DIP2C: variants seen among roughly 807,000 people sequenced by gnomAD.
The protein encoded by DIP2C is disco-interacting protein 2 homolog C.
A neutral mutation model predicts 192.4 loss-of-function variants in DIP2C; 33 were observed. That is an observed-to-expected ratio of 0.17 (90% CI 0.13 to 0.23). The LOEUF is 0.23. DIP2C is among the 10% of genes least tolerant of loss of function. DIP2C has a pLI of 1.00. For synonymous variants in DIP2C, 979 were observed against 864.1 expected (o/e 1.13, Z -2.33); for missense variants, 1,537 against 2,110.1 (o/e 0.73, Z 5.32).
intron 15 of DIP2C, 103 bp from the exon 16 acceptor site, chr10:384,249 TGG>T: frequency 1.1e-6 from 1 of 924,008 alleles, no homozygotes; most frequent in Non-Finnish European, 1.6e-6. Context: ...GAAGAATCAC[TGG>T]TCACCCAGCC....
chr10:661,296 G>A (rs956738699), intron 1 of DIP2C, among the ~76,000 whole-genome samples: 10 of 152,182 alleles, frequency 6.6e-5, no homozygotes, highest in South Asian at 2.1e-4. Flanking sequence ...CCTTTCTTCC[G>A]TGTACCTTTG....
intron 1 of DIP2C, among the ~76,000 whole-genome samples, chr10:560,662 C>T (rs759681659): frequency 7.3e-4 from 111 of 152,306 alleles, no homozygotes; most frequent in Non-Finnish European, 8.1e-4. Context: ...AATTACCACA[C>T]GGGCTATCAT....
chr10:664,320 G>A (rs1015739610), intron 1 of DIP2C: 8 of 152,346 alleles, frequency 5.3e-5, no homozygotes, highest in Middle Eastern at 3.4e-3. Context: ...CCAGGAGAGA[G>A]AAAAGAAGGA....
intron 26 of DIP2C, among the ~76,000 whole-genome samples, chr10:347,997 T>C (rs1413404308): frequency 1.6e-5 from 2 of 128,970 alleles, no homozygotes; most frequent in South Asian, 2.5e-4. Flanking sequence ...GCGTCGCGCA[T>C]AGCTCTCCCG....
intron 3 of DIP2C, among the ~76,000 whole-genome samples, chr10:444,478 C>A (rs908778296): frequency 6.6e-6 from 1 of 152,032 alleles, no homozygotes; most frequent in Non-Finnish European, 1.5e-5. Flanking sequence ...CCATGGTGTT[C>A]ACTCAAGAGA....
chr10:655,430 C>T (rs536975482), intron 1 of DIP2C, among the ~76,000 whole-genome samples: 8 of 151,644 alleles, frequency 5.3e-5, no homozygotes, highest in Middle Eastern at 6.9e-3. Flanking sequence ...TTCCACACTA[C>T]GCTATGTAAT....
chr10:595,563 T>C (rs987351564), intron 1 of DIP2C, among the ~76,000 whole-genome samples: 1 of 152,046 alleles, frequency 6.6e-6, no homozygotes, highest in African/African-American at 2.4e-5. Context: ...TGAAATGATT[T>C]TGCATCTACC....
At chr10:605,500 G>A (rs949999642) in intron 1 of DIP2C, among the ~76,000 whole-genome samples, 5 of 152,162 alleles carry the variant, frequency 3.3e-5, no homozygotes, top group African/African-American at 9.7e-5. Flanking sequence ...CACATAAACT[G>A]TTACTCACAC....
chr10:598,331 A>G (rs1463714257), intron 1 of DIP2C, among the ~76,000 whole-genome samples: 1 of 152,180 alleles, frequency 6.6e-6, no homozygotes, highest in Non-Finnish European at 1.5e-5. Context: ...CACATTTCCC[A>G]TCGCACCAAG....
At chr10:496,983 G>C (rs1053360813) in intron 1 of DIP2C, among the ~76,000 whole-genome samples, 1 of 152,170 alleles carries the variant, frequency 6.6e-6, no homozygotes, top group Non-Finnish European at 1.5e-5. Flanking sequence ...AGTTAGCCAG[G>C]TGTGGTGGCG....
intron 3 of DIP2C, among the ~76,000 whole-genome samples, chr10:443,941 C>T (rs887076294): frequency 6.6e-6 from 1 of 152,176 alleles, no homozygotes; most frequent in Admixed American, 6.5e-5. Context: ...CTTAAGTACA[C>T]TTGGTGCACT....
chr10:299,532 G>C (rs1055229942), intron 32 of DIP2C, among the ~76,000 whole-genome samples: 5 of 152,200 alleles, frequency 3.3e-5, no homozygotes, highest in African/African-American at 1.2e-4. Context: ...ATAAATGTAA[G>C]AGATAAAACT....
At chr10:688,168 G>A (rs1005208443) in intron 1 of DIP2C, among the ~76,000 whole-genome samples, 1 of 152,090 alleles carries the variant, frequency 6.6e-6, no homozygotes, top group Non-Finnish European at 1.5e-5. Flanking sequence ...GGCAGCTCCC[G>A]CCTCCTAGCC....
intron 1 of DIP2C, among the ~76,000 whole-genome samples, chr10:586,309 A>C (rs951344711): frequency 4.6e-5 from 7 of 152,204 alleles, no homozygotes; most frequent in African/African-American, 1.7e-4. Context: ...GCTGGGATCC[A>C]AGTGCAGGAA....
chr10:532,742 A>T lies in DIP2C; in HGVS notation c.86-46212T>A, dbSNP rs984394340. ...GTGTGAGAGAGAGTATGGGTGTGAGAGAGAGTATGGGTGTGTGAGAGAGTA... is the reference window on the plus strand; with the variant it reads ...GTGTGAGAGAGAGTATGGGTGTGAGTGAGAGTATGGGTGTGTGAGAGAGTA... On this transcript the variant is annotated intron_variant, in intron 1 of 36. Transcript: ENST00000280886. 1.1e-3 allele frequency among the ~76,000 whole-genome samples: 100 copies of T among 88,964 alleles called. 8 individuals are homozygous for T. The highest frequency in any genetic ancestry group is 2.2e-3 in the Admixed American group (17 of 7,754). The allele number at this position is 88,964 out of a possible 152,430, so 58.4% of individuals were successfully genotyped here.
intron 24 of DIP2C, among the ~76,000 whole-genome samples, chr10:351,730 G>A (rs991420596): frequency 6.6e-6 from 1 of 152,178 alleles, no homozygotes; most frequent in Non-Finnish European, 1.5e-5. Flanking sequence ...AGACAGATTT[G>A]GGGGCCTTTG....
At chr10:376,547 G>A (rs904767245) in intron 17 of DIP2C, among the ~76,000 whole-genome samples, 10 of 139,388 alleles carry the variant, frequency 7.2e-5, no homozygotes, top group South Asian at 2.4e-4. Context: ...CCAGAACCCC[G>A]AGGAAGTGTC....
At chr10:654,777 T>C (rs991761986) in intron 1 of DIP2C, among the ~76,000 whole-genome samples, 1 of 152,222 alleles carries the variant, frequency 6.6e-6, no homozygotes, top group African/African-American at 2.4e-5. Context: ...GGTTATACTC[T>C]GTAGTATGGA....
chr10:291,912 G>A (rs1390631815), intron 32 of DIP2C, among the ~76,000 whole-genome samples: 1 of 152,252 alleles, frequency 6.6e-6, no homozygotes, highest in Non-Finnish European at 1.5e-5. Context: ...GGGAGCCAGA[G>A]GGGAGCAGGA....
Sources: allele counts gnomAD v4.1 joint callset (sites outside exome capture counted in the v4.1 genomes callset), GRCh38; gene constraint gnomAD v4.1.1; transcripts MANE v1.5; gene names NCBI Gene and HGNC (gene_info 2026-07-23, HGNC 2026-07-21).